The following QPRT variants were observed in gnomAD, a reference collection of about 807,000 sequenced individuals.
The protein encoded by QPRT is quinolinate phosphoribosyltransferase.
QPRT carries 17 observed loss-of-function variants against 19.8 expected under a neutral mutation model. The ratio of observed to expected loss-of-function variants is 0.86; its 90% CI spans 0.59 to 1.29. The LOEUF is 1.29. Ranked by LOEUF, QPRT falls within the 50% of genes most tolerant of loss-of-function variation. The pLI is 0.00. For synonymous variants in QPRT, 178 were observed against 191.0 expected (o/e 0.93, Z 0.56); for missense variants, 336 against 405.1 (o/e 0.83, Z 1.46).
chr16:29,680,020 T>G (rs946572627), intron 1 of QPRT, among the ~76,000 whole-genome samples: 3 of 150,180 alleles, frequency 2.0e-5, no homozygotes, highest in Non-Finnish European at 3.0e-5. Context: ...TGCAGTGGCG[T>G]GATCTCGGCT....
chr16:29,693,194 C>A (rs1408583301), intron 1 of QPRT, among the ~76,000 whole-genome samples: 1 of 152,084 alleles, frequency 6.6e-6, no homozygotes, highest in Non-Finnish European at 1.5e-5. Context: ...CTGTAGTCAC[C>A]CTGTTGTGCT....
rs767028115 is a variant in QPRT, at chr16:29,695,061, G to T, written c.411G>T (p.Thr137=). ...GCTGGACTGGGCACGTGGCAGGCAC[G>T]AGGAAGACCACGCCAGGCTTCCGGC... ...GAGWTGHVAG[T]RKTTPGFRLV... The change falls in exon 2 of 4, where the codon ACG becomes ACT. Residue 137 remains threonine (T), a synonymous_variant. Transcript: ENST00000395384. 3.7e-6 allele frequency: 6 copies of T among 1,606,136 alleles called. No homozygotes were observed. The Admixed American group carries it at 1.0e-4, about 27-fold the overall frequency.
At chr16:29,689,924 G>A (rs532259288) in intron 1 of QPRT, among the ~76,000 whole-genome samples, 10 of 152,198 alleles carry the variant, frequency 6.6e-5, no homozygotes, top group South Asian at 4.1e-4. Context: ...ATTTTAAGAC[G>A]CTAGCCTGCC....
At chr16:29,680,386 G>A (rs573850568) in intron 1 of QPRT, among the ~76,000 whole-genome samples, 2 of 152,302 alleles carry the variant, frequency 1.3e-5, no homozygotes, top group South Asian at 2.1e-4. Flanking sequence ...TAAAGCCGCA[G>A]AGCAGGTCAT....
rs940642431 is a variant in QPRT, at chr16:29,696,888, C to T, written c.550-108C>T. 10 of 1,341,332 alleles carry T rather than the reference C, an allele frequency of 7.5e-6. No individual in the cohort carries two copies. In the Admixed American group the frequency reaches 2.9e-4, roughly 39 times the overall value. The allele number at this position is 1,341,332 out of a possible 1,614,324, so 83.1% of individuals were successfully genotyped here. A position where few individuals can be genotyped will look rare whatever the true frequency, so the allele number is the denominator to read the frequency against. On this transcript the variant is annotated intron_variant, in intron 2 of 3. Transcript: ENST00000395384. ...ATGTCAGTCCCGGCTCCCCGCGCCCCAGCTGCAGTGCTGGGCCCTATCGTC... is the reference window on the plus strand; with the variant it reads ...ATGTCAGTCCCGGCTCCCCGCGCCCTAGCTGCAGTGCTGGGCCCTATCGTC...
Position 29,685,206 on chromosome 16 carries a change from C to T in QPRT, c.13+5996C>T, listed in dbSNP as rs763200572. Among the ~76,000 whole-genome samples the T allele has an allele frequency of 7.9e-5, 12 of 152,278 alleles. No homozygotes were observed. The East Asian group carries it at 2.1e-3, about 27-fold the overall frequency. On this transcript the variant is annotated intron_variant, in intron 1 of 3. Coordinates refer to ENST00000395384, the MANE Select transcript of QPRT (RefSeq NM_014298.6). ...TATTTGTTGGCCGGGCGCAGTGGCT[C>T]ACACCTGTAATCCCAGCACTTTGGA...
chr16:29,683,911 C>T (rs1406296693), intron 1 of QPRT, among the ~76,000 whole-genome samples: 8 of 152,176 alleles, frequency 5.3e-5, no homozygotes, highest in Admixed American at 5.2e-4. Flanking sequence ...CTCCCGTGCG[C>T]TCCTCGAGCA....
chr16:29,688,616 T>C (rs970511519), intron 1 of QPRT, among the ~76,000 whole-genome samples: 2 of 151,958 alleles, frequency 1.3e-5, no homozygotes, highest in Admixed American at 6.6e-5. Context: ...GCCTCCTAGG[T>C]TCAAGCAATT....
At chr16:29,682,667 AC>A (rs1468925083) in intron 1 of QPRT, among the ~76,000 whole-genome samples, 11 of 151,988 alleles carry the variant, frequency 7.2e-5, no homozygotes, top group African/African-American at 2.2e-4. Context: ...GGCGCAAGTC[AC>A]TGCGCCCAGC....
intron 1 of QPRT, among the ~76,000 whole-genome samples, chr16:29,684,411 T>G (rs1967101441): frequency 1.3e-5 from 2 of 152,322 alleles, no homozygotes; most frequent in African/African-American, 2.4e-5. Context: ...TTCTCCTGCC[T>G]CAGCCTCCTG....
chr16:29,694,263 C>T (rs937287964), intron 1 of QPRT, among the ~76,000 whole-genome samples: 3 of 150,936 alleles, frequency 2.0e-5, no homozygotes, highest in Non-Finnish European at 4.4e-5. Context: ...GGACTACAGG[C>T]GCCCGCCACC....
In QPRT at chr16:29,688,810, C is replaced by T. The variant is rs1261623847; in HGVS notation, c.14-5854C>T. Reference sequence around the variant, plus strand: ...TTTTTTTTTTTTTGAGACTGAGTTTCGCTCTTGTTGGCCAGGCTGGAGTGC... The same window carrying T: ...TTTTTTTTTTTTTGAGACTGAGTTTTGCTCTTGTTGGCCAGGCTGGAGTGC... On this transcript the variant is annotated intron_variant, in intron 1 of 3. Coordinates refer to ENST00000395384, the MANE Select transcript of QPRT (RefSeq NM_014298.6). 6.4e-4 allele frequency among the ~76,000 whole-genome samples: 88 copies of T among 138,158 alleles called. 1 individual carries two copies. The highest frequency in any genetic ancestry group is 1.2e-3 in the Non-Finnish European group (78 of 64,604). 90.6% of individuals were successfully genotyped at this position (138,158 alleles called of 152,430 possible).
chr16:29,679,182 A>G lies in QPRT; in HGVS notation c.-16A>G, dbSNP rs769657615. Reference sequence around the variant, plus strand: ...CTGAGCAGCCAACACACCAGCCCAGACAGCTGCAAGTCACCATGGACGCTG... The same window carrying G: ...CTGAGCAGCCAACACACCAGCCCAGGCAGCTGCAAGTCACCATGGACGCTG... On this transcript the variant is annotated 5_prime_UTR_variant, in exon 1 of 4. Transcript: ENST00000395384. The G allele has an allele frequency of 8.1e-6, 13 of 1,613,556 alleles. No homozygotes were observed. Among genetic ancestry groups the G allele is most frequent in the Non-Finnish European group, 1.1e-5 (13 of 1,179,772 alleles).
In QPRT at chr16:29,694,802, C is replaced by T. The variant is rs773728193; in HGVS notation, c.152C>T (p.Pro51Leu). ...CAGGCGGCGCTGTGGGCCAAATCCCCTGGGGTACTGGCAGGGCAGCCTTTC... is the reference window on the plus strand; with the variant it reads ...CAGGCGGCGCTGTGGGCCAAATCCCTTGGGGTACTGGCAGGGCAGCCTTTC... ...PSQAALWAKS[P>L]GVLAGQPFFD... The change falls in exon 2 of 4, where the codon CCT (proline) becomes CTT (leucine). Residue 51 changes from proline (P) to leucine (L), a missense_variant. Transcript: ENST00000395384. The T allele has an allele frequency of 6.2e-7, 1 of 1,614,076 alleles. No homozygotes were observed. Among genetic ancestry groups the T allele is most frequent in the Non-Finnish European group, 8.5e-7 (1 of 1,179,948 alleles).
chr16:29,680,875 A>T (rs894285228), intron 1 of QPRT, among the ~76,000 whole-genome samples: 1 of 152,060 alleles, frequency 6.6e-6, no homozygotes, highest in African/African-American at 2.4e-5. Flanking sequence ...CCAGTGGCGG[A>T]GGTTGCAGTG....
Position 29,679,222 on chromosome 16 carries a change from C to T in QPRT, c.13+12C>T. The stretch of plus-strand genomic sequence containing the variant: ...CATGGACGCTGAAGGTAAAGGGACA[C>T]TCTCTCTGCCATGTCCCTGCACCCA... On this transcript the variant is annotated intron_variant, in intron 1 of 3. Transcript: ENST00000395384. The T allele has an allele frequency of 1.9e-6, 3 of 1,596,226 alleles. No homozygotes were observed. The highest frequency in any genetic ancestry group is 2.6e-6 in the Non-Finnish European group (3 of 1,164,086).
intron 1 of QPRT, among the ~76,000 whole-genome samples, chr16:29,684,599 G>A (rs181667739): frequency 4.6e-5 from 7 of 151,962 alleles, no homozygotes; most frequent in Admixed American, 2.0e-4. Flanking sequence ...CTCCCGCCTC[G>A]GCCTCCCAAA....
intron 1 of QPRT, among the ~76,000 whole-genome samples, chr16:29,685,559 G>A (rs1309112986): frequency 6.6e-6 from 1 of 152,134 alleles, no homozygotes; most frequent in East Asian, 1.9e-4. Flanking sequence ...ATAGCACTGG[G>A]ATTACAGGTG....
At position 29,697,026 on chromosome 16, in the gene QPRT, T is replaced by C. The variant is rs780156689; in HGVS notation, c.580T>C (p.Phe194Leu). ...AVRAARQAADFTLKVEVECSS... is the reference protein window; with the variant it reads ...AVRAARQAADLTLKVEVECSS... ...GCGGGCGGCCAGACAGGCGGCTGAC[T>C]TCACTCTGAAGGTGGAAGTGGAATG... is the stretch of plus-strand genomic sequence containing the variant. The change falls in exon 3 of 4, where the codon TTC becomes CTC. Residue 194 changes from phenylalanine (F) to leucine (L), a missense_variant. Transcript: ENST00000395384. The surrounding 1 kb of genome is among the most constrained non-coding windows in gnomAD (Gnocchi z 4.4). 4 of 1,609,722 alleles carry C rather than the reference T, an allele frequency of 2.5e-6. No homozygotes were observed. The highest frequency in any genetic ancestry group is 3.4e-6 in the Non-Finnish European group (4 of 1,178,998).
Sources: allele counts gnomAD v4.1 joint callset (sites outside exome capture counted in the v4.1 genomes callset), GRCh38; gene constraint gnomAD v4.1.1; non-coding constraint Gnocchi (gnomAD v3.1); transcripts MANE v1.5; gene names NCBI Gene and HGNC (gene_info 2026-07-23, HGNC 2026-07-21).